Variants in CADM2 observed in about 807,000 individuals in gnomAD.
CADM2 encodes the protein cell adhesion molecule 2, also known as immunoglobulin superfamily member 4D.
In CADM2, 12 loss-of-function variants were observed where a neutral mutation model predicts 49.8. The ratio of observed to expected loss-of-function variants is 0.24; its 90% CI spans 0.15 to 0.39. The LOEUF (loss-of-function observed/expected upper bound fraction) is 0.39. Among genes scored for constraint, CADM2 ranks in the 10% least tolerant of loss-of-function variants. The pLI is 1.00. For synonymous variants in CADM2, 214 were observed against 175.4 expected, an observed-to-expected ratio of 1.22 and a Z score of -1.74; for missense variants, 378 against 492.3, an observed-to-expected ratio of 0.77 and a Z score of 2.20.
chr3:85,592,274 TTGA>T (rs553175824), intron 1 of CADM2, among the ~76,000 whole-genome samples: 8 of 151,926 alleles, frequency 5.3e-5, no homozygotes, highest in Non-Finnish European at 1.0e-4. Context: ...TTCACTGTAA[TTGA>T]TGATTATTAA....
chr3:86,013,350 G>A (rs1382432625), intron 8 of CADM2: 2 of 1,540,602 alleles, frequency 1.3e-6, no homozygotes, highest in African/African-American at 1.4e-5. Context: ...ATCTCTATTT[G>A]AATTATTGAT....
intron 1 of CADM2, among the ~76,000 whole-genome samples, chr3:85,446,660 G>A (rs1286192366): frequency 2.8e-5 from 4 of 140,402 alleles, no homozygotes; most frequent in Non-Finnish European, 4.6e-5. Flanking sequence ...TGGAGTACAA[G>A]GGTGCTATCT....
intron 1 of CADM2, among the ~76,000 whole-genome samples, chr3:85,537,857 A>G (rs935405445): frequency 4.6e-5 from 7 of 152,130 alleles, no homozygotes; most frequent in African/African-American, 1.7e-4. Context: ...CTTCAAATTT[A>G]TCATAACCTT....
At chr3:85,144,192 C>T (rs2039660389) in intron 1 of CADM2, among the ~76,000 whole-genome samples, 1 of 151,892 alleles carries the variant, frequency 6.6e-6, no homozygotes, top group African/African-American at 2.4e-5. Flanking sequence ...ACCCTGCTTA[C>T]CAGCTTTATT....
intron 1 of CADM2, among the ~76,000 whole-genome samples, chr3:85,070,123 T>C (rs2036666446): frequency 6.6e-6 from 1 of 152,176 alleles, no homozygotes; most frequent in African/African-American, 2.4e-5. Context: ...ACATGTTCCA[T>C]AGTGACATTT....
At chr3:85,498,224 T>C (rs2039984191) in intron 1 of CADM2, among the ~76,000 whole-genome samples, 1 of 151,572 alleles carries the variant, frequency 6.6e-6, no homozygotes, top group African/African-American at 2.4e-5. Flanking sequence ...TATTTCACTG[T>C]TAAAAATGTG....
chr3:85,203,841 C>T (rs1414360695), intron 1 of CADM2, among the ~76,000 whole-genome samples: 3 of 152,082 alleles, frequency 2.0e-5, no homozygotes, highest in Non-Finnish European at 2.9e-5. Context: ...TAATATCATT[C>T]CTCCTATGTA....
Position 86,066,804 on chromosome 3 carries a change from G to T in CADM2, c.*21G>T. On this transcript the variant is annotated 3_prime_UTR_variant, in exon 10 of 10. Transcript: ENST00000383699. ...TTTAAGATGCAGGCCAAGATTCTGA[G>T]TTTTACTACCAGGCTGAATGCTGGA... is the stretch of plus-strand genomic sequence containing the variant. The T allele has an allele frequency of 6.7e-7, 1 of 1,503,640 alleles. No individual in the cohort carries two copies. The allele number at this position is 1,503,640 out of a possible 1,614,324, so 93.1% of individuals were successfully genotyped here.
intron 3 of CADM2, among the ~76,000 whole-genome samples, chr3:85,815,572 A>G (rs2073157823): frequency 6.6e-6 from 1 of 152,170 alleles, no homozygotes; most frequent in Non-Finnish European, 1.5e-5. Context: ...ATTTCAATAA[A>G]CTATGTATTG....
At chr3:85,506,680 A>G (rs1287647597) in intron 1 of CADM2, among the ~76,000 whole-genome samples, 1 of 152,074 alleles carries the variant, frequency 6.6e-6, no homozygotes, top group Non-Finnish European at 1.5e-5. Context: ...GACTACAGGC[A>G]CACACCATAC....
intron 8 of CADM2, among the ~76,000 whole-genome samples, chr3:86,053,232 T>A (rs1737540161): frequency 6.6e-6 from 1 of 152,216 alleles, no homozygotes; most frequent in Non-Finnish European, 1.5e-5. Context: ...TCCTAGTTCA[T>A]TTTTTATTAT....
intron 1 of CADM2, among the ~76,000 whole-genome samples, chr3:85,472,735 T>C (rs975702635): frequency 6.6e-6 from 1 of 152,048 alleles, no homozygotes; most frequent in East Asian, 1.9e-4. Context: ...GTCTTATTTC[T>C]ACTCACTAAA....
chr3:85,515,412 TG>T (rs1397894402), intron 1 of CADM2, among the ~76,000 whole-genome samples: 1 of 92,782 alleles, frequency 1.1e-5, no homozygotes, highest in African/African-American at 2.9e-5. Context: ...TTCTTTTGTT[TG>T]TTTGTTTGTT....
chr3:85,041,488 A>G (rs184898632), intron 1 of CADM2, among the ~76,000 whole-genome samples: 1 of 152,302 alleles, frequency 6.6e-6, no homozygotes, highest in Non-Finnish European at 1.5e-5. Flanking sequence ...GAATGCATTT[A>G]TAATATCCTA....
At chr3:85,211,833 T>C (rs1214299210) in intron 1 of CADM2, among the ~76,000 whole-genome samples, 2 of 152,134 alleles carry the variant, frequency 1.3e-5, no homozygotes, top group African/African-American at 2.4e-5. Context: ...GTTTCTTTTT[T>C]TGATTTTCTG....
chr3:85,962,072 A>G (rs1218675326), intron 8 of CADM2, among the ~76,000 whole-genome samples: 1 of 151,684 alleles, frequency 6.6e-6, no homozygotes, highest in African/African-American at 2.4e-5. Context: ...AGTAGCTGGG[A>G]TTACAGGCAT....
At chr3:85,073,758 C>T (rs6791035) in intron 1 of CADM2, among the ~76,000 whole-genome samples, 67,514 of 151,826 alleles carry the variant, frequency 0.44, 17,575 homozygotes, top group Non-Finnish European at 0.6. Context: ...TTTTTTCATA[C>T]TTATCCTAAA....
chr3:85,561,755 T>A (rs2062102027), intron 1 of CADM2, among the ~76,000 whole-genome samples: 1 of 152,176 alleles, frequency 6.6e-6, no homozygotes, highest in South Asian at 2.1e-4. Context: ...ATACCTTTTT[T>A]TTAGGCAAGT....
At chr3:85,772,195 G>A (rs1419988071) in intron 2 of CADM2, among the ~76,000 whole-genome samples, 1 of 151,710 alleles carries the variant, frequency 6.6e-6, no homozygotes, top group Non-Finnish European at 1.5e-5. Flanking sequence ...AAACTGTGCA[G>A]GATAAGACAC....
Sources: allele counts gnomAD v4.1 joint callset (sites outside exome capture counted in the v4.1 genomes callset), GRCh38; gene constraint gnomAD v4.1.1; transcripts MANE v1.5; gene names NCBI Gene and HGNC (gene_info 2026-07-23, HGNC 2026-07-21).